RANBP2: variants seen among roughly 807,000 people sequenced by gnomAD.
RANBP2 encodes RAN binding protein 2.
A neutral mutation model predicts 303.6 loss-of-function variants in RANBP2; 57 were observed. That is an observed-to-expected ratio of 0.19 (90% CI 0.15 to 0.23). RANBP2 has a LOEUF of 0.23. RANBP2 is among the 10% of genes least tolerant of loss of function. The pLI, the probability that RANBP2 is intolerant of heterozygous loss-of-function variation, is 1.00. For synonymous variants in RANBP2, 1,167 were observed against 1,301.5 expected, an observed-to-expected ratio of 0.90 and a Z score of 2.23; for missense variants, 3,138 against 3,780.8, an observed-to-expected ratio of 0.83 and a Z score of 4.46.
At chr2:109,390,870 G>A in the RANBP2 span, among the ~76,000 whole-genome samples, 1 of 152,290 alleles carries the variant, frequency 6.6e-6, no homozygotes, top group South Asian at 2.1e-4. Flanking sequence ...GGCAGAGGGC[G>A]GCCCCTGAAT....
At chr2:109,272,264 A>G in the RANBP2 span, among the ~76,000 whole-genome samples, 1 of 152,190 alleles carries the variant, frequency 6.6e-6, no homozygotes, top group Non-Finnish European at 1.5e-5. Context: ...AATCTCTAGC[A>G]ATTGCCCAAC....
the RANBP2 span, among the ~76,000 whole-genome samples, chr2:109,160,349 A>C: frequency 2.6e-5 from 4 of 152,322 alleles, no homozygotes; most frequent in South Asian, 8.3e-4. Flanking sequence ...TTGGGTGAGA[A>C]GGCAAGAAAC....
chr2:109,290,309 C>G, the RANBP2 span, among the ~76,000 whole-genome samples: 1 of 152,118 alleles, frequency 6.6e-6, no homozygotes, highest in Non-Finnish European at 1.5e-5. Flanking sequence ...AACACATTGC[C>G]CCCAGGCACG....
chr2:109,249,532 T>TTTCCTTCCTTCC, the RANBP2 span, among the ~76,000 whole-genome samples: 374 of 96,464 alleles, frequency 3.9e-3, 5 homozygotes, highest in Non-Finnish European at 5.2e-3. Context: ...TCTTTCTTTC[T>TTTCCTTCCTTCC]TTCCTTCCTT....
At chr2:108,813,087 A>C in the RANBP2 span, among the ~76,000 whole-genome samples, 1 of 151,812 alleles carries the variant, frequency 6.6e-6, no homozygotes. Context: ...GTTTCTACTA[A>C]AAATACAGAA....
the RANBP2 span, among the ~76,000 whole-genome samples, chr2:109,145,080 A>T: frequency 1.8e-4 from 28 of 152,130 alleles, no homozygotes; most frequent in Non-Finnish European, 1.6e-4. Context: ...GGGCCCTCTT[A>T]CGGGGCCTGG....
At chr2:109,667,232 C>G in the RANBP2 span, 4 of 996,572 alleles carry the variant, frequency 4.0e-6, no homozygotes, top group African/African-American at 4.8e-5. Flanking sequence ...CCCAAGCAAA[C>G]GCAGGCAAGG....
At chr2:109,474,991 T>C in the RANBP2 span, among the ~76,000 whole-genome samples, 1 of 152,188 alleles carries the variant, frequency 6.6e-6, no homozygotes, top group Non-Finnish European at 1.5e-5. Context: ...GTTTGTTTGT[T>C]TTTTTGAGAC....
chr2:108,732,615 C>T (rs762958174), intron 4 of RANBP2, among the ~76,000 whole-genome samples: 8 of 152,296 alleles, frequency 5.3e-5, no homozygotes, highest in Admixed American at 1.3e-4. Context: ...CATTTTATCA[C>T]GTGTAGATTC....
the RANBP2 span, among the ~76,000 whole-genome samples, chr2:109,516,843 G>A: frequency 0.86 from 131,066 of 152,232 alleles, 56,997 homozygotes; most frequent in East Asian, 0.96. Flanking sequence ...ACTTTCCCAC[G>A]ATATTTTTAG....
At chr2:109,551,890 G>C in the RANBP2 span, among the ~76,000 whole-genome samples, 6,867 of 152,282 alleles carry the variant, frequency 0.045, 540 homozygotes, top group African/African-American at 0.15. Context: ...CAGAAGTTCA[G>C]TGATTTTTTT....
the RANBP2 span, among the ~76,000 whole-genome samples, chr2:109,588,023 C>T: frequency 2.0e-5 from 3 of 151,920 alleles, no homozygotes; most frequent in East Asian, 1.9e-4. Context: ...ACTCAGAAGG[C>T]GGACATTGCA....
chr2:109,708,498 AAGT>A, the RANBP2 span, among the ~76,000 whole-genome samples: 8 of 152,158 alleles, frequency 5.3e-5, no homozygotes, highest in East Asian at 1.5e-3. Context: ...TCTCTACAAA[AAGT>A]AAAAAAATTA....
At chr2:109,194,755 G>C in the RANBP2 span, among the ~76,000 whole-genome samples, 1 of 152,200 alleles carries the variant, frequency 6.6e-6, no homozygotes, top group African/African-American at 2.4e-5. Context: ...TTCCAATCCT[G>C]AATGCTCAAG....
At chr2:108,908,123 G>A in the RANBP2 span, 1 of 1,315,802 alleles carries the variant, frequency 7.6e-7, no homozygotes, top group Non-Finnish European at 1.0e-6. Flanking sequence ...TGGACAGTGG[G>A]GGGCAATGAC....
the RANBP2 span, among the ~76,000 whole-genome samples, chr2:109,551,017 T>C: frequency 1.3e-5 from 2 of 152,188 alleles, no homozygotes; most frequent in Non-Finnish European, 2.9e-5. Flanking sequence ...TAAACTGTAC[T>C]TTTTCTTAAA....
At chr2:109,515,713 T>C in the RANBP2 span, among the ~76,000 whole-genome samples, 2 of 152,232 alleles carry the variant, frequency 1.3e-5, no homozygotes, top group African/African-American at 4.8e-5. Context: ...ATTTGACTCA[T>C]GGTTCTGCAG....
At chr2:109,144,044 CG>C in the RANBP2 span, among the ~76,000 whole-genome samples, 60 of 152,162 alleles carry the variant, frequency 3.9e-4, no homozygotes, top group Admixed American at 1.6e-3. Context: ...TACGAGGCGC[CG>C]GAAGTGTGGG....
At chr2:109,529,540 A>G in the RANBP2 span, among the ~76,000 whole-genome samples, 1 of 152,224 alleles carries the variant, frequency 6.6e-6, no homozygotes, top group Middle Eastern at 3.2e-3. Context: ...GGTGCTGAGG[A>G]GGTCCTGAGG....
Sources: allele counts gnomAD v4.1 joint callset (sites outside exome capture counted in the v4.1 genomes callset), GRCh38; gene constraint gnomAD v4.1.1; transcripts MANE v1.5; gene names NCBI Gene and HGNC (gene_info 2026-07-23, HGNC 2026-07-21).